Variants in CYBC1 observed in about 807,000 individuals in gnomAD.
The protein encoded by CYBC1 is essential for reactive oxygen species protein.
A neutral mutation model predicts 21.7 loss-of-function variants in CYBC1; 22 were observed. The ratio of observed to expected loss-of-function variants is 1.02; its 90% confidence interval spans 0.73 to 1.45. CYBC1 has a LOEUF of 1.45. Among genes scored for constraint, CYBC1 ranks in the 40% most tolerant of loss-of-function variants. CYBC1 has a pLI of 0.00. For synonymous variants in CYBC1, 112 were observed against 98.7 expected, an observed-to-expected ratio of 1.13 and a Z score of -0.80; for missense variants, 237 against 242.1, an observed-to-expected ratio of 0.98 and a Z score of 0.14.
intron 3 of CYBC1, 51 bp from the exon 4 acceptor site, chr17:82,446,747 G>T (rs761292944): frequency 3.2e-6 from 5 of 1,576,426 alleles, no homozygotes; most frequent in Non-Finnish European, 4.4e-6. Flanking sequence ...ACATGCCCAC[G>T]GGAGGCCCCG....
In CYBC1 at chr17:82,443,984, G is replaced by T. The variant is rs746855108; in HGVS notation, c.*20C>A. On this transcript the variant is annotated 3_prime_UTR_variant, in exon 7 of 7. Coordinates refer to ENST00000306645, the MANE Select transcript of CYBC1 (RefSeq NM_001033046.4). The surrounding 1 kb of genome is among the most constrained non-coding windows in gnomAD (Gnocchi z 6.7). The stretch of plus-strand genomic sequence containing the variant: ...CATGGGTCCTGTGGGCGGTGCACGG[G>T]CTCAGGCACAGTGGGGCTGTCAGCT... 6.2e-7 allele frequency: 1 copy of T among 1,610,708 alleles called. No individual in the cohort carries two copies. The highest frequency in any genetic ancestry group is 2.2e-5 in the East Asian group (1 of 44,880).
chr17:82,447,727 T>C (rs2054395115), intron 2 of CYBC1, 106 bp from the exon 3 acceptor site: 1 of 987,742 alleles, frequency 1.0e-6, no homozygotes. Flanking sequence ...CCCTTCCCAC[T>C]GTAGGAACAG....
chr17:82,444,722 G>C, intron 5 of CYBC1, 131 bp from the exon 6 acceptor site: 1 of 1,231,420 alleles, frequency 8.1e-7, no homozygotes, highest in South Asian at 1.4e-5. Context: ...GCTGTTTCCT[G>C]CCTGAGGCTG....
At chr17:82,447,680 G>C in intron 2 of CYBC1, 59 bp from the exon 3 acceptor site, 5 of 1,463,740 alleles carry the variant, frequency 3.4e-6, no homozygotes, top group African/African-American at 1.4e-5. Context: ...CCTCCCTGGT[G>C]CAGCGGGACC....
At position 82,447,623 on chromosome 17, in the gene CYBC1, T is replaced by C; in HGVS notation, c.86-2A>G. The C allele has an allele frequency of 6.3e-7, 1 of 1,593,930 alleles. No homozygotes were observed. Among genetic ancestry groups the C allele is most frequent in the Admixed American group, 1.8e-5 (1 of 55,578 alleles). On this transcript the variant is annotated splice_acceptor_variant, in intron 2 of 6. Coordinates refer to ENST00000306645, the MANE Select transcript of CYBC1 (RefSeq NM_001033046.4). LOFTEE classifies it high-confidence loss of function. The stretch of plus-strand genomic sequence containing the variant: ...CAGCCAGGCCAATCGACAAGATTCC[T>C]ATGAAGAGAAAGTGACTGCCTGCCT...
chr17:82,447,033 G>C (rs190398384), intron 3 of CYBC1: 127 of 406,886 alleles, frequency 3.1e-4, no homozygotes, highest in African/African-American at 2.3e-3. Flanking sequence ...GGGAATATTT[G>C]ATGACCCAAA....
rs1327387486 is a variant in CYBC1, at chr17:82,446,500, C to G, written c.201+123G>C. ...TGAACGGAGACCTCCAAGCAGGGAC[C>G]AACGCTTCAGGACGGGGAGGCGCTA... On this transcript the variant is annotated intron_variant, in intron 4 of 6. Coordinates refer to ENST00000306645, the MANE Select transcript of CYBC1 (RefSeq NM_001033046.4). 9 of 856,222 alleles carry G rather than the reference C, an allele frequency of 1.1e-5. No homozygotes were observed. The African/African-American group carries it at 1.5e-4, about 14-fold the overall frequency. 53.0% of individuals were successfully genotyped at this position (856,222 alleles called of 1,614,324 possible).
Position 82,443,841 on chromosome 17 carries a change from C to T in CYBC1, c.*163G>A, listed in dbSNP as rs2054106747. 2 of 616,678 alleles carry T rather than the reference C, an allele frequency of 3.2e-6. No homozygotes were observed. The highest frequency in any genetic ancestry group is 2.8e-6 in the Non-Finnish European group (1 of 352,516). The allele number at this position is 616,678 out of a possible 1,614,324, so 38.2% of individuals were successfully genotyped here. A position where few individuals can be genotyped will look rare whatever the true frequency, so the allele number is the denominator to read the frequency against. On this transcript the variant is annotated 3_prime_UTR_variant, in exon 7 of 7. Transcript: ENST00000306645. The surrounding 1 kb of genome is among the most constrained non-coding windows in gnomAD (Gnocchi z 6.7). The stretch of plus-strand genomic sequence containing the variant: ...ACGGGTCCTGTGGGCGGTGCACGGG[C>T]TCAGGCACACCGGGAATGTGCCACG...
chr17:82,444,767 G>A, intron 5 of CYBC1, 176 bp from the exon 6 acceptor site: 1 of 760,124 alleles, frequency 1.3e-6, no homozygotes, highest in South Asian at 1.9e-5. Context: ...TGAAGGCAGT[G>A]CAGGGTCCTC....
rs747479799 is a variant in CYBC1 at position 82,443,690 on chromosome 17, G to A, written c.*314C>T. Reference sequence around the variant, plus strand: ...TCTGGATGTCCTGGTCTGGCCTGCTGTTTCATGCAGTGTGCAAGCAGCAGC... The same window carrying A: ...TCTGGATGTCCTGGTCTGGCCTGCTATTTCATGCAGTGTGCAAGCAGCAGC... On this transcript the variant is annotated 3_prime_UTR_variant, in exon 7 of 7. Transcript: ENST00000306645. This position sits in a 1 kb window ranked among gnomAD's most constrained non-coding sequence, Gnocchi z 6.7. The A allele has an allele frequency of 1.3e-6, 1 of 771,114 alleles. No individual in the cohort carries two copies. The highest frequency in any genetic ancestry group is 2.4e-6 in the Non-Finnish European group (1 of 423,296). 47.8% of individuals were successfully genotyped at this position (771,114 alleles called of 1,614,324 possible).
chr17:82,449,152 G>A lies in CYBC1; in HGVS notation c.85+18C>T. 6.5e-7 allele frequency: 1 copy of A among 1,541,996 alleles called. No individual in the cohort carries two copies. On this transcript the variant is annotated intron_variant, in intron 2 of 6. Transcript: ENST00000306645. ...CTTCCGGTTCTGGGGTTCTGGGGAGGGACGTGGAGAGCCTTACCAACCAGC... is the reference window on the plus strand; with the variant it reads ...CTTCCGGTTCTGGGGTTCTGGGGAGAGACGTGGAGAGCCTTACCAACCAGC...
At position 82,447,403 on chromosome 17, in the gene CYBC1, G is replaced by A; in HGVS notation, c.127+177C>T. The A allele has an allele frequency of 4.6e-6, 3 of 650,086 alleles. No individual in the cohort carries two copies. The South Asian group carries it at 5.1e-5, about 11-fold the overall frequency. The allele number at this position is 650,086 out of a possible 1,614,324, so 40.3% of individuals were successfully genotyped here. A position where few individuals can be genotyped will look rare whatever the true frequency, so the allele number is the denominator to read the frequency against. On this transcript the variant is annotated intron_variant, in intron 3 of 6. Coordinates refer to ENST00000306645, the MANE Select transcript of CYBC1 (RefSeq NM_001033046.4). Reference sequence around the variant, plus strand: ...TGTGGGCTGAGCGCTGGGCAGGATGGGCGTGCGGAAGAACAGCAGCGCATG... The same window carrying A: ...TGTGGGCTGAGCGCTGGGCAGGATGAGCGTGCGGAAGAACAGCAGCGCATG...
intron 3 of CYBC1, chr17:82,446,924 CAGGG>C: frequency 1.7e-6 from 1 of 583,378 alleles, no homozygotes. Context: ...GTGGGGCGCA[CAGGG>C]CCTCTGCCCG....
At chr17:82,445,474 A>T in intron 5 of CYBC1, 12 of 171,142 alleles carry the variant, frequency 7.0e-5, no homozygotes, top group South Asian at 1.2e-4. Context: ...CGCTGGGGCC[A>T]GACTGCACCT....
At position 82,449,290 on chromosome 17, in the gene CYBC1, G is replaced by A. The variant is rs775848800; in HGVS notation, c.-36C>T. On this transcript the variant is annotated splice_region_variant and 5_prime_UTR_variant, in exon 2 of 7. Transcript: ENST00000306645. ...CAGCACCACTCTCTACAGGAGGAGG[G>A]GTCTGGGAACAGACAGAGGCAGCTG... is the stretch of plus-strand genomic sequence containing the variant. The A allele has an allele frequency of 9.4e-6, 14 of 1,489,834 alleles. No individual in the cohort carries two copies. Among genetic ancestry groups the A allele is most frequent in the Middle Eastern group, 1.9e-4 (1 of 5,368 alleles). The allele number at this position is 1,489,834 out of a possible 1,614,324, so 92.3% of individuals were successfully genotyped here.
intron 2 of CYBC1, 118 bp from the exon 3 acceptor site, chr17:82,447,739 T>C: frequency 1.1e-6 from 1 of 917,840 alleles, no homozygotes; most frequent in East Asian, 2.6e-5. Flanking sequence ...TAGGAACAGC[T>C]GTGGTCAGGG....
chr17:82,444,054 G>A lies in CYBC1; in HGVS notation c.514C>T (p.Leu172=). 1.2e-6 allele frequency: 2 copies of A among 1,613,610 alleles called. No homozygotes were observed. Among genetic ancestry groups the A allele is most frequent in the Non-Finnish European group, 1.7e-6 (2 of 1,179,990 alleles). ...ELHCLESPTE[L]SQSSDSEAGD... is the part of the protein sequence containing the mutation. The stretch of plus-strand genomic sequence containing the variant: ...GCCTCACTGTCGCTGCTCTGAGACA[G>A]CTCTGTGGGGCTCTCAAGGCAGTGC... The change falls in exon 7 of 7, where the codon CTG becomes TTG. Residue 172 remains leucine (L), a synonymous_variant. Coordinates refer to ENST00000306645, the MANE Select transcript of CYBC1 (RefSeq NM_001033046.4).
At chr17:82,444,201 C>T in intron 6 of CYBC1, 77 bp from the exon 7 acceptor site, 1 of 1,554,958 alleles carries the variant, frequency 6.4e-7, no homozygotes. Flanking sequence ...GCAGTCTCCT[C>T]CTCGACCACC....
At chr17:82,446,513 C>T (rs1292731302) in intron 4 of CYBC1, 110 bp downstream of exon 4, 19 of 994,534 alleles carry the variant, frequency 1.9e-5, no homozygotes, top group East Asian at 9.5e-5. Flanking sequence ...CGCTTCAGGA[C>T]GGGGAGGCGC....
Sources: gnomAD v4.1 joint callset for allele counts on GRCh38, gnomAD v4.1.1 for gene constraint, Gnocchi (gnomAD v3.1) non-coding constraint, MANE v1.5 for transcripts, NCBI Gene and HGNC (gene_info 2026-07-23, HGNC 2026-07-21) for gene names.